LRRC58: variants seen among roughly 807,000 people sequenced by gnomAD.
LRRC58 encodes leucine-rich repeat-containing protein 58.
A neutral mutation model predicts 30.6 loss-of-function variants in LRRC58; 18 were observed. The ratio of observed to expected loss-of-function variants is 0.59; its 90% CI spans 0.41 to 0.87. LRRC58 has a LOEUF of 0.87. LRRC58 is among the 40% of genes least tolerant of loss of function. The pLI is 0.00. For missense variants in LRRC58, 420 were observed against 468.4 expected, an observed-to-expected ratio of 0.90 and a Z score of 0.95; for synonymous variants, 221 against 206.0, an observed-to-expected ratio of 1.07 and a Z score of -0.62.
chr3:120,343,930 TTGGGAGGC>T (rs1935935482), intron 1 of LRRC58, among the ~76,000 whole-genome samples: 1 of 152,076 alleles, frequency 6.6e-6, no homozygotes, highest in African/African-American at 2.4e-5. Context: ...TCCCAGCTAC[TTGGGAGGC>T]TGAGGCAGGA....
chr3:120,346,862 C>T (rs1057103151), intron 1 of LRRC58, among the ~76,000 whole-genome samples: 2 of 152,188 alleles, frequency 1.3e-5, no homozygotes, highest in African/African-American at 4.8e-5. Context: ...TCTTGCATAG[C>T]AACAAGACAC....
At position 120,348,810 on chromosome 3, in the gene LRRC58, A is replaced by G. The variant is rs1340519069; in HGVS notation, c.434T>C (p.Leu145Pro). The stretch of plus-strand genomic sequence containing the variant: ...GTTGCCGCCCAGGCTCAGGGTCTGC[A>G]GCGCGCGCAGCTCTAAGAGCGAGGC... ...VPASLLELRA[L>P]QTLSLGGNQL... Residue 145 changes from leucine (L) to proline (P), a missense_variant, in exon 1 of 4, where the codon CTG (leucine) becomes CCG (proline). Coordinates refer to ENST00000295628, the MANE Select transcript of LRRC58 (RefSeq NM_001099678.2). 2 of 1,607,710 alleles carry G rather than the reference A, an allele frequency of 1.2e-6. No individual in the cohort carries two copies. Among genetic ancestry groups the G allele is most frequent in the Admixed American group, 3.4e-5 (2 of 59,310 alleles).
At chr3:120,339,682 A>G (rs73856490) in intron 1 of LRRC58, among the ~76,000 whole-genome samples, 1,564 of 152,108 alleles carry the variant, frequency 0.01, 28 homozygotes, top group African/African-American at 0.035. Flanking sequence ...TCTTTCCTCA[A>G]TAGGAGTAAA....
rs1935690124 is a variant in LRRC58, at chr3:120,327,247, C to CCTTTTTTT, written c.*3952_*3953insAAAAAAAG. 1 of 96,714 alleles carries CCTTTTTTT rather than the reference C, an allele frequency of 1.0e-5. No individual in the cohort carries two copies. Among genetic ancestry groups the CCTTTTTTT allele is most frequent in the South Asian group, 3.7e-4 (1 of 2,684 alleles). 6.0% of individuals were successfully genotyped at this position (96,714 alleles called of 1,614,324 possible). A position where few individuals can be genotyped will look rare whatever the true frequency, so the allele number is the denominator to read the frequency against. The stretch of plus-strand genomic sequence containing the variant: ...CTAGCCCTGTGGCTTCTAAAGATTT[C>CCTTTTTTT]TTTTTTTTTTTTTTTTTTTTTTGAG... On this transcript the variant is annotated 3_prime_UTR_variant, in exon 4 of 4. Transcript: ENST00000295628.
rs1935671825 is a variant in LRRC58, at chr3:120,326,232, G to C, written c.*4968C>G. On this transcript the variant is annotated 3_prime_UTR_variant, in exon 4 of 4. Transcript: ENST00000295628. ...CTCCCAGGCTGGAGTGCAATGGCAT[G>C]ATCTCGGCTCACTGCAACCTCCGCC... 1 of 152,154 alleles carries C rather than the reference G, an allele frequency of 6.6e-6. No homozygotes were observed. The highest frequency in any genetic ancestry group is 2.4e-5 in the African/African-American group (1 of 41,384). The allele number at this position is 152,154 out of a possible 1,614,324, so 9.4% of individuals were successfully genotyped here.
intron 1 of LRRC58, among the ~76,000 whole-genome samples, chr3:120,339,920 G>A (rs772588006): frequency 1.3e-5 from 2 of 152,074 alleles, no homozygotes; most frequent in African/African-American, 2.4e-5. Context: ...CTGGAGTGCA[G>A]TGGCACGATC....
At chr3:120,333,050 C>A (rs1431027999) in intron 3 of LRRC58, among the ~76,000 whole-genome samples, 1 of 149,274 alleles carries the variant, frequency 6.7e-6, no homozygotes, top group Non-Finnish European at 1.5e-5. Context: ...CGAGATTGTG[C>A]CACTGCACTC....
intron 3 of LRRC58, among the ~76,000 whole-genome samples, chr3:120,333,107 G>GA (rs1328871528): frequency 3.7e-4 from 47 of 126,460 alleles, no homozygotes; most frequent in East Asian, 6.6e-4. Flanking sequence ...AAAAAAAAAA[G>GA]AAAAAAAAAA....
Position 120,349,276 on chromosome 3 carries a change from C to G in LRRC58, c.-33G>C, listed in dbSNP as rs1011961258. On this transcript the variant is annotated 5_prime_UTR_variant, in exon 1 of 4. Coordinates refer to ENST00000295628, the MANE Select transcript of LRRC58 (RefSeq NM_001099678.2). ...ACCGCACGGCGCGTGGCGCCGGATTCCCCAGAGCGCCGCGCGCGGTCCAGA... is the reference window on the plus strand; with the variant it reads ...ACCGCACGGCGCGTGGCGCCGGATTGCCCAGAGCGCCGCGCGCGGTCCAGA... 4.7e-5 allele frequency: 64 copies of G among 1,353,536 alleles called. No homozygotes were observed. Among genetic ancestry groups the G allele is most frequent in the Non-Finnish European group, 5.9e-5 (62 of 1,059,506 alleles). The allele number at this position is 1,353,536 out of a possible 1,614,324, so 83.8% of individuals were successfully genotyped here.
Position 120,331,045 on chromosome 3 carries a change from T to C in LRRC58, c.*155A>G. The C allele has an allele frequency of 1.6e-6, 1 of 631,650 alleles. No homozygotes were observed. Among genetic ancestry groups the C allele is most frequent in the East Asian group, 2.8e-5 (1 of 36,276 alleles). The allele number at this position is 631,650 out of a possible 1,614,324, so 39.1% of individuals were successfully genotyped here. A position where few individuals can be genotyped will look rare whatever the true frequency, so the allele number is the denominator to read the frequency against. On this transcript the variant is annotated 3_prime_UTR_variant, in exon 4 of 4. Transcript: ENST00000295628. ...TGGGACTGGACTCATTCTTGCTGAA[T>C]GGGTAGATGAAACACAAAATGTTTT...
chr3:120,341,120 A>G (rs1017420983), intron 1 of LRRC58, among the ~76,000 whole-genome samples: 1 of 152,228 alleles, frequency 6.6e-6, no homozygotes, highest in African/African-American at 2.4e-5. Context: ...GTGCTTAAGC[A>G]TTGGTGAAAA....
chr3:120,338,628 C>T (rs558644498), intron 1 of LRRC58, among the ~76,000 whole-genome samples: 1 of 152,276 alleles, frequency 6.6e-6, no homozygotes, highest in South Asian at 2.1e-4. Flanking sequence ...TGAGTACAAA[C>T]CCCAATGGAA....
intron 3 of LRRC58, among the ~76,000 whole-genome samples, chr3:120,334,547 T>C (rs1308114454): frequency 6.6e-6 from 1 of 151,860 alleles, no homozygotes; most frequent in Non-Finnish European, 1.5e-5. Flanking sequence ...TAATAAAAGG[T>C]GTCCAAACAT....
chr3:120,344,856 A>G (rs1219862749), intron 1 of LRRC58, among the ~76,000 whole-genome samples: 1 of 152,230 alleles, frequency 6.6e-6, no homozygotes, highest in East Asian at 1.9e-4. Context: ...ATTCAGAAAA[A>G]TAAGTCAGAA....
At chr3:120,344,771 T>C (rs1392364419) in intron 1 of LRRC58, among the ~76,000 whole-genome samples, 2 of 152,218 alleles carry the variant, frequency 1.3e-5, no homozygotes, top group Non-Finnish European at 2.9e-5. Context: ...ATAAAGTCTA[T>C]TGGCCATTGA....
intron 1 of LRRC58, among the ~76,000 whole-genome samples, chr3:120,338,543 G>C (rs1305497628): frequency 1.3e-5 from 2 of 152,342 alleles, no homozygotes; most frequent in African/African-American, 4.8e-5. Context: ...GATAGTGATG[G>C]AAGTTACACT....
rs574540421 is a variant in LRRC58 at position 120,324,534 on chromosome 3, T to C, written c.*6666A>G. ...TCAATGTTAGTACATATTTAATGTA[T>C]GTATTCAATGATGTAACAAGTAATC... On this transcript the variant is annotated 3_prime_UTR_variant, in exon 4 of 4. Transcript: ENST00000295628. 17 of 152,346 alleles carry C rather than the reference T, an allele frequency of 1.1e-4. No homozygotes were observed. The highest frequency in any genetic ancestry group is 6.5e-4 in the Admixed American group (10 of 15,298). 9.4% of individuals were successfully genotyped at this position (152,346 alleles called of 1,614,324 possible). A position where few individuals can be genotyped will look rare whatever the true frequency, so the allele number is the denominator to read the frequency against.
At chr3:120,341,915 G>T (rs115005374) in intron 1 of LRRC58, among the ~76,000 whole-genome samples, 2,376 of 152,218 alleles carry the variant, frequency 0.016, 51 homozygotes, top group African/African-American at 0.054. Context: ...TGTGCTCTAG[G>T]GGGAGGGCTG....
chr3:120,343,814 G>A (rs920890800), intron 1 of LRRC58, among the ~76,000 whole-genome samples: 1 of 152,170 alleles, frequency 6.6e-6, no homozygotes, highest in African/African-American at 2.4e-5. Flanking sequence ...CGGATCACTT[G>A]AGGTCAGGAG....
Sources: allele counts gnomAD v4.1 joint callset (sites outside exome capture counted in the v4.1 genomes callset), GRCh38; gene constraint gnomAD v4.1.1; transcripts MANE v1.5; gene names NCBI Gene and HGNC (gene_info 2026-07-23, HGNC 2026-07-21).